The following CENPN variants were observed in gnomAD, a reference collection of about 807,000 sequenced individuals.
CENPN encodes the protein interphase centromere complex protein 32.
A neutral mutation model predicts 48.6 loss-of-function variants in CENPN; 36 were observed. That is an observed-to-expected ratio of 0.74 (90% CI 0.57 to 0.98). CENPN has a LOEUF of 0.98. CENPN is among the 50% of genes least tolerant of loss of function. The pLI, the probability that CENPN is intolerant of heterozygous loss-of-function variation, is 0.00. For synonymous variants in CENPN, 166 were observed against 135.2 expected (o/e 1.23, Z -1.58); for missense variants, 439 against 399.2 (o/e 1.10, Z -0.85).
chr16:81,028,994 C>T lies in CENPN; in HGVS notation c.*343C>T. On this transcript the variant is annotated 3_prime_UTR_variant, in exon 11 of 11. Transcript: ENST00000305850. ...TTTGTGTCCTTTTTTCTATGGCTGT[C>T]TCTTCTCAATTCTGGAGAGGTCTGG... 2.0e-6 allele frequency: 2 copies of T among 1,002,722 alleles called. No homozygotes were observed. The highest frequency in any genetic ancestry group is 2.4e-6 in the Non-Finnish European group (2 of 841,852). The allele number at this position is 1,002,722 out of a possible 1,614,324, so 62.1% of individuals were successfully genotyped here. A position where few individuals can be genotyped will look rare whatever the true frequency, so the allele number is the denominator to read the frequency against.
intron 2 of CENPN, among the ~76,000 whole-genome samples, chr16:81,012,405 A>G (rs1487984277): frequency 6.6e-6 from 1 of 152,212 alleles, no homozygotes; most frequent in Non-Finnish European, 1.5e-5. Flanking sequence ...CAAATTATCA[A>G]GGATGAAAAG....
rs1246182981 is a variant in CENPN, at chr16:81,029,801, C to T, written c.*1150C>T. 6.6e-6 allele frequency among the ~76,000 whole-genome samples: 1 copy of T among 152,158 alleles called. No individual in the cohort carries two copies. Among genetic ancestry groups the T allele is most frequent in the Non-Finnish European group, 1.5e-5 (1 of 68,036 alleles). On this transcript the variant is annotated 3_prime_UTR_variant, in exon 11 of 11. Coordinates refer to ENST00000305850, the MANE Select transcript of CENPN (RefSeq NM_001100624.3). ...TGTTGCCCAGGCTGATCTCAAACTC[C>T]TGGGCTCAAGCAATCTGCCCATTTT...
rs1555522732 is a variant in CENPN, at chr16:81,026,089, GTA to G, written c.698-429_698-428del. Among the ~76,000 whole-genome samples the G allele has an allele frequency of 1.3e-4, 18 of 137,602 alleles. 1 individual carries two copies. Among genetic ancestry groups the G allele is most frequent in the Admixed American group, 8.2e-4 (11 of 13,430 alleles). The allele number at this position is 137,602 out of a possible 152,430, so 90.3% of individuals were successfully genotyped here. A position where few individuals can be genotyped will look rare whatever the true frequency, so the allele number is the denominator to read the frequency against. ...TATATATGTGTGTGTGTGTGTGTGT[GTA>G]TATATATGTGTGTGTATATATATAT... On this transcript the variant is annotated intron_variant, in intron 8 of 10. Transcript: ENST00000305850.
chr16:81,022,773 A>G, intron 7 of CENPN, 75 bp downstream of exon 7: 1 of 1,614,110 alleles, frequency 6.2e-7, no homozygotes. Context: ...AGCTACTGGG[A>G]AAATCTACCT....
chr16:81,009,863 G>A (rs556779444), intron 1 of CENPN, among the ~76,000 whole-genome samples: 1 of 152,206 alleles, frequency 6.6e-6, no homozygotes, highest in African/African-American at 2.4e-5. Flanking sequence ...ACACTGTTAA[G>A]GGACATTAAA....
rs1245224649 is a variant in CENPN, at chr16:81,014,199, G to A, written c.217+18G>A. ...CATCATTTGTAAGTGTCAGTGATTT[G>A]TATTTATACTTAACCAATCAGTTTA... On this transcript the variant is annotated intron_variant, in intron 3 of 10. Coordinates refer to ENST00000305850, the MANE Select transcript of CENPN (RefSeq NM_001100624.3). 1 of 1,604,910 alleles carries A rather than the reference G, an allele frequency of 6.2e-7. No homozygotes were observed. Among genetic ancestry groups the A allele is most frequent in the Non-Finnish European group, 8.5e-7 (1 of 1,171,974 alleles).
At chr16:81,014,360 G>A (rs374061174) in intron 3 of CENPN, 179 bp downstream of exon 3, 4 of 602,938 alleles carry the variant, frequency 6.6e-6, no homozygotes, top group African/African-American at 5.5e-5. Flanking sequence ...TCAGCCTCCC[G>A]AGTAGCTGGG....
chr16:81,008,394 C>T (rs1969571439), intron 1 of CENPN, among the ~76,000 whole-genome samples: 1 of 151,910 alleles, frequency 6.6e-6, no homozygotes, highest in South Asian at 2.1e-4. Flanking sequence ...TTTTTTGAGA[C>T]GGAGTCTTGC....
chr16:81,021,015 C>G (rs1970167265), intron 6 of CENPN, among the ~76,000 whole-genome samples: 1 of 151,756 alleles, frequency 6.6e-6, no homozygotes, highest in Admixed American at 6.6e-5. Flanking sequence ...TTGCTTGAAC[C>G]CGGGAGGCAG....
At chr16:81,012,490 T>A (rs1441269191) in intron 2 of CENPN, among the ~76,000 whole-genome samples, 1 of 152,214 alleles carries the variant, frequency 6.6e-6, no homozygotes, top group East Asian at 1.9e-4. Flanking sequence ...ATCTCTTTAA[T>A]TGCTTATTGT....
intron 5 of CENPN, among the ~76,000 whole-genome samples, chr16:81,018,463 C>T (rs778086942): frequency 5.9e-5 from 9 of 152,074 alleles, no homozygotes; most frequent in Non-Finnish European, 1.0e-4. Context: ...TGTGAGCCAC[C>T]GCACCCAGCC....
At chr16:81,015,392 A>AT (rs1969893881) in intron 3 of CENPN, among the ~76,000 whole-genome samples, 1 of 152,246 alleles carries the variant, frequency 6.6e-6, no homozygotes, top group African/African-American at 2.4e-5. Context: ...CATCTCTGGT[A>AT]TTATCATTTG....
intron 8 of CENPN, among the ~76,000 whole-genome samples, chr16:81,025,602 G>T (rs571342681): frequency 6.6e-6 from 1 of 151,684 alleles, no homozygotes; most frequent in South Asian, 2.1e-4. Context: ...ATGCATCTGT[G>T]GTCCCGGCTA....
Position 81,022,689 on chromosome 16 carries a change from G to A in CENPN, c.624G>A (p.Gln208=). 6.2e-7 allele frequency: 1 copy of A among 1,614,036 alleles called. No homozygotes were observed. Among genetic ancestry groups the A allele is most frequent in the South Asian group, 1.1e-5 (1 of 91,082 alleles). Reference sequence around the variant, plus strand: ...CTCTTAAGGCTATTGTTTTTAAACAGTATAATCAGGTGAGCCAATCAGTGA... The same window carrying A: ...CTCTTAAGGCTATTGTTTTTAAACAATATAATCAGGTGAGCCAATCAGTGA... ...LDSLKAIVFK[Q]YNQTFETHNS... The change falls in exon 7 of 11, where the codon CAG becomes CAA. Residue 208 remains glutamine, a synonymous_variant. Transcript: ENST00000305850.
At chr16:81,016,078 A>G (rs9934957) in intron 3 of CENPN, among the ~76,000 whole-genome samples, 36,284 of 151,912 alleles carry the variant, frequency 0.24, 4,547 homozygotes, top group East Asian at 0.42. Flanking sequence ...TGCAGAGACA[A>G]TTTTAAGCCA....
In CENPN at chr16:81,030,368, T is replaced by C. The variant is rs952795355; in HGVS notation, c.*1717T>C. On this transcript the variant is annotated 3_prime_UTR_variant, in exon 11 of 11. Transcript: ENST00000305850. The stretch of plus-strand genomic sequence containing the variant: ...CAGCACTTCAGGAGGTTTCTCCTAG[T>C]GTACTCTCACACTTCTGATACCAGA... 1.0e-6 allele frequency: 1 copy of C among 985,208 alleles called. No homozygotes were observed. The highest frequency in any genetic ancestry group is 6.1e-5 in the Admixed American group (1 of 16,264). 61.0% of individuals were successfully genotyped at this position (985,208 alleles called of 1,614,324 possible). A position where few individuals can be genotyped will look rare whatever the true frequency, so the allele number is the denominator to read the frequency against.
intron 9 of CENPN, 64 bp downstream of exon 9, chr16:81,026,702 T>A (rs74996604): frequency 1.3e-6 from 1 of 760,922 alleles, no homozygotes; most frequent in East Asian, 2.7e-5. Context: ...ACAAAAACCT[T>A]AAGTGGAAAA....
At chr16:81,008,583 G>C (rs867423209) in intron 1 of CENPN, among the ~76,000 whole-genome samples, 8 of 152,104 alleles carry the variant, frequency 5.3e-5, no homozygotes, top group African/African-American at 1.7e-4. Flanking sequence ...TGTTGGCCTG[G>C]GTGGTCTTGA....
Position 81,012,019 on chromosome 16 carries a change from C to G in CENPN, c.80C>G (p.Ala27Gly). ...AATGAACTGACAACAATCCTGAAGG[C>G]CTGGGATTTTTTGTCTGAAAATCAA... ...PMNELTTILK[A>G]WDFLSENQLQ... The change falls in exon 2 of 11, where the codon GCC (alanine) becomes GGC (glycine). Residue 27 changes from alanine to glycine, a missense_variant. Physicochemically the swap from Ala to Gly is moderately conservative, Grantham distance 60. Transcript: ENST00000305850. 1 of 1,614,000 alleles carries G rather than the reference C, an allele frequency of 6.2e-7. No individual in the cohort carries two copies. Among genetic ancestry groups the G allele is most frequent in the Non-Finnish European group, 8.5e-7 (1 of 1,179,928 alleles).
Sources: gnomAD v4.1 joint callset for allele counts (sites outside exome capture counted in the v4.1 genomes callset) on GRCh38, gnomAD v4.1.1 for gene constraint, MANE v1.5 for transcripts, NCBI Gene and HGNC (gene_info 2026-07-23, HGNC 2026-07-21) for gene names.